FGF13: variants seen among roughly 807,000 people sequenced by gnomAD.
FGF13 encodes fibroblast growth factor homologous factor 2.
FGF13 carries 2 observed loss-of-function variants against 19.5 expected under a neutral mutation model. The ratio of observed to expected loss-of-function variants is 0.10; its 90% confidence interval spans 0.04 to 0.32. FGF13 has a LOEUF of 0.32. FGF13 is among the 10% of genes least tolerant of loss of function. The pLI is 1.00. For missense variants in FGF13, 113 were observed against 192.7 expected, an observed-to-expected ratio of 0.59 and a Z score of 2.45; for synonymous variants, 72 against 76.9, an observed-to-expected ratio of 0.94 and a Z score of 0.33.
At chrX:138,697,088 A>G (rs1164823205) in intron 3 of FGF13, among the ~76,000 whole-genome samples, 1 of 112,371 alleles carries the variant, frequency 8.9e-6, no homozygotes, top group African/African-American at 3.2e-5. Context: ...CATTAAATAT[A>G]ACCTAAATAT....
chrX:138,988,248 C>T (rs1438946743), intron 1 of FGF13, among the ~76,000 whole-genome samples: 2 of 112,284 alleles, frequency 1.8e-5, no homozygotes, highest in African/African-American at 3.2e-5. Context: ...TAGCCATATG[C>T]TAACATCTCT....
chrX:138,960,693 G>A (rs2091864921), intron 1 of FGF13, among the ~76,000 whole-genome samples: 1 of 111,636 alleles, frequency 9.0e-6, no homozygotes, highest in African/African-American at 3.3e-5. Flanking sequence ...ATTTCTTGGA[G>A]GCTTTGTTTG....
In FGF13 at chrX:138,640,362, G is replaced by T. The variant is rs188598663; in HGVS notation, c.403-4707C>A. Among the ~76,000 whole-genome samples the T allele has an allele frequency of 2.0e-3, 229 of 112,115 alleles. 2 individuals are homozygous for T. Among genetic ancestry groups the T allele is most frequent in the African/African-American group, 7.2e-3 (223 of 30,884 alleles). ...TTATGTTGAATATATGGAAATAACCGCAAGACCCAAAGGTGTGCCAGAAAA... is the reference window on the plus strand; with the variant it reads ...TTATGTTGAATATATGGAAATAACCTCAAGACCCAAAGGTGTGCCAGAAAA... On this transcript the variant is annotated intron_variant, in intron 3 of 4. Transcript: ENST00000315930.
intron 1 of FGF13, among the ~76,000 whole-genome samples, chrX:139,090,213 A>G (rs2083430579): frequency 8.9e-6 from 1 of 111,789 alleles, no homozygotes; most frequent in Non-Finnish European, 1.9e-5. Context: ...AACCCTAACA[A>G]TGCATCTGCA....
At chrX:138,705,034 T>C (rs1276863436) in intron 2 of FGF13, among the ~76,000 whole-genome samples, 1 of 111,904 alleles carries the variant, frequency 8.9e-6, no homozygotes, top group Non-Finnish European at 1.9e-5. Context: ...ATCCCATTTA[T>C]ATAAAAGCTC....
intron 3 of FGF13, among the ~76,000 whole-genome samples, chrX:138,800,936 C>A (rs2090823764): frequency 8.9e-6 from 1 of 112,169 alleles, no homozygotes; most frequent in African/African-American, 3.2e-5. Flanking sequence ...TCCATCAGGT[C>A]ATTTTTGTTC....
At chrX:138,713,323 G>C (rs2090072278), upstream of FGF13, among the ~76,000 whole-genome samples, 1 of 112,110 alleles carries the variant, frequency 8.9e-6, no homozygotes, top group African/African-American at 3.2e-5. Context: ...CTATTTCCTA[G>C]TTCAAAATGT....
intron 3 of FGF13, among the ~76,000 whole-genome samples, chrX:138,676,441 T>C (rs769624308): frequency 3.7e-4 from 41 of 111,521 alleles, no homozygotes; most frequent in South Asian, 1.9e-3. Context: ...CCAGTAAAGA[T>C]TTATCTTTAA....
intron 1 of FGF13, among the ~76,000 whole-genome samples, chrX:139,027,339 T>A (rs998728616): frequency 1.8e-5 from 2 of 112,480 alleles, no homozygotes; most frequent in Non-Finnish European, 3.8e-5. Context: ...ATGCAAGTTT[T>A]CATTCTACAT....
At chrX:139,111,503 G>C (rs933474244) in intron 1 of FGF13, among the ~76,000 whole-genome samples, 3 of 111,872 alleles carry the variant, frequency 2.7e-5, no homozygotes, top group Non-Finnish European at 5.6e-5. Context: ...AACCGAGGCT[G>C]CCTAATACTG....
chrX:138,766,377 G>A lies in FGF13; in HGVS notation c.218-57449C>T, dbSNP rs151055255. 7.4e-3 allele frequency among the ~76,000 whole-genome samples: 829 copies of A among 111,965 alleles called. 10 individuals carry two copies. The highest frequency in any genetic ancestry group is 0.025 in the African/African-American group (777 of 30,823). ...AACTTTACAGAGCTAACAAGTTCTGGAAGGCTATCAATTGCACAGTGGTCG... is the reference window on the plus strand; with the variant it reads ...AACTTTACAGAGCTAACAAGTTCTGAAAGGCTATCAATTGCACAGTGGTCG... On this transcript the variant is annotated intron_variant, in intron 3 of 6. Coordinates refer to the FGF13 transcript ENST00000436198.
At chrX:138,717,106 A>G (rs1260374493) in intron 1 of FGF13, among the ~76,000 whole-genome samples, 1 of 112,194 alleles carries the variant, frequency 8.9e-6, no homozygotes, top group Non-Finnish European at 1.9e-5. Context: ...GGTATTAATC[A>G]TGTCTGTGAA....
chrX:138,905,902 T>C (rs2124217480), intron 1 of FGF13, among the ~76,000 whole-genome samples: 1 of 111,854 alleles, frequency 8.9e-6, no homozygotes, highest in African/African-American at 3.2e-5. Flanking sequence ...CAATGGGTTC[T>C]TTTTGTCACA....
intron 3 of FGF13, among the ~76,000 whole-genome samples, chrX:138,640,400 C>T (rs748880001): frequency 4.5e-5 from 5 of 111,961 alleles, no homozygotes; most frequent in Non-Finnish European, 7.5e-5. Flanking sequence ...TTTTTTCCCC[C>T]GAACAAAGGC....
chrX:139,155,253 CT>C (rs745423227), intron 1 of FGF13, among the ~76,000 whole-genome samples: 5 of 112,325 alleles, frequency 4.5e-5, no homozygotes, highest in Non-Finnish European at 7.5e-5. Flanking sequence ...GCTCCTGTGT[CT>C]TGAAGCCTCT....
At position 138,621,908 on chromosome X, in the gene FGF13, GT is replaced by G. The variant is rs2124070418; in HGVS notation, c.*10941del. On this transcript the variant is annotated 3_prime_UTR_variant, in exon 5 of 5. Transcript: ENST00000315930. ...AGACTGAATCATGAATAGAGAATCT[GT>G]AGAGAGCAATAATGAAAAAGAATAT... The G allele has an allele frequency of 9.0e-6, 1 of 111,220 alleles. No homozygotes were observed. The highest frequency in any genetic ancestry group is 1.9e-5 in the Non-Finnish European group (1 of 52,912). 9.2% of individuals were successfully genotyped at this position (111,220 alleles called of 1,213,427 possible). A position where few individuals can be genotyped will look rare whatever the true frequency, so the allele number is the denominator to read the frequency against.
intron 1 of FGF13, among the ~76,000 whole-genome samples, chrX:139,028,604 TGTGTGTGTGTGTGA>T (rs1489017445): frequency 1.9e-5 from 1 of 52,037 alleles, no homozygotes; most frequent in Non-Finnish European, 3.6e-5. Flanking sequence ...TGTGTGTGTG[TGTGTGTGTGTGTGA>T]GAGAGAGAGA....
At chrX:139,174,101 G>A (rs2084157892) in intron 1 of FGF13, among the ~76,000 whole-genome samples, 1 of 112,175 alleles carries the variant, frequency 8.9e-6, no homozygotes, top group African/African-American at 3.2e-5. Context: ...ATTCTAACTG[G>A]CATGAGATGG....
intron 1 of FGF13, among the ~76,000 whole-genome samples, chrX:138,889,715 G>A (rs2091467252): frequency 1.8e-5 from 2 of 111,304 alleles, no homozygotes; most frequent in African/African-American, 6.6e-5. Flanking sequence ...TCATATGCCA[G>A]AGCAAAGAGT....
Sources: gnomAD v4.1 joint callset for allele counts (sites outside exome capture counted in the v4.1 genomes callset) on GRCh38, gnomAD v4.1.1 for gene constraint, MANE v1.5 for transcripts, NCBI Gene and HGNC (gene_info 2026-07-23, HGNC 2026-07-21) for gene names.